The following FGF14 variants were observed in gnomAD, a reference collection of about 807,000 sequenced individuals.
The protein encoded by FGF14 is fibroblast growth factor homologous factor 4.
In FGF14, 5 loss-of-function variants were observed where a neutral mutation model predicts 25.5. That is an observed-to-expected ratio of 0.20 (90% CI 0.10 to 0.41). The LOEUF is 0.41. FGF14 is among the 10% of genes least tolerant of loss of function. FGF14 has a pLI of 1.00. For missense variants in FGF14, 222 were observed against 320.1 expected (o/e 0.69, Z 2.34); for synonymous variants, 138 against 118.3 (o/e 1.17, Z -1.08).
At chr13:102,117,576 T>G (rs954668543) in intron 1 of FGF14, among the ~76,000 whole-genome samples, 1 of 152,154 alleles carries the variant, frequency 6.6e-6, no homozygotes, top group African/African-American at 2.4e-5. Context: ...GGAGGCATTG[T>G]TTATAATAGG....
chr13:101,981,332 T>C (rs1024781409), intron 1 of FGF14, among the ~76,000 whole-genome samples: 1 of 152,084 alleles, frequency 6.6e-6, no homozygotes, highest in Non-Finnish European at 1.5e-5. Flanking sequence ...CCTTCCGCCA[T>C]GTAAGGACAC....
rs199910752 is a variant in FGF14, at chr13:102,124,869, T to TTA, written c.209-249575_209-249574dup. Among the ~76,000 whole-genome samples the TTA allele has an allele frequency of 1.5e-4, 23 of 152,296 alleles. No individual in the cohort carries two copies. The East Asian group carries it at 4.2e-3, about 28-fold the overall frequency. ...AAGCTTATGATGGTATATAAAATTC[T>TTA]TATCTTTACCTTCCTTCTCTCTATA... On this transcript the variant is annotated intron_variant, in intron 1 of 4. Transcript: ENST00000376131.
intron 1 of FGF14, among the ~76,000 whole-genome samples, chr13:101,980,684 A>G (rs992070959): frequency 7.2e-5 from 11 of 152,182 alleles, no homozygotes; most frequent in African/African-American, 2.7e-4. Flanking sequence ...TCTTTCTCTT[A>G]CCAAGTGCCA....
chr13:101,741,634 TAAAAA>T (rs11299686), intron 3 of FGF14, among the ~76,000 whole-genome samples: 1 of 143,828 alleles, frequency 7.0e-6, no homozygotes, highest in Admixed American at 6.9e-5. Flanking sequence ...TTTATTACAG[TAAAAA>T]AAAAAAAAAA....
At chr13:101,865,304 T>G (rs1258128057) in intron 3 of FGF14, among the ~76,000 whole-genome samples, 3 of 152,124 alleles carry the variant, frequency 2.0e-5, no homozygotes, top group Non-Finnish European at 4.4e-5. Context: ...CTTGACTGCT[T>G]CTCTCAGCAC....
At chr13:101,776,786 G>C (rs2039137229) in intron 3 of FGF14, among the ~76,000 whole-genome samples, 1 of 152,106 alleles carries the variant, frequency 6.6e-6, no homozygotes, top group Non-Finnish European at 1.5e-5. Flanking sequence ...CCATGAACTG[G>C]GTGGCTTCTA....
At chr13:102,116,054 G>A (rs186596617) in intron 1 of FGF14, among the ~76,000 whole-genome samples, 66 of 152,246 alleles carry the variant, frequency 4.3e-4, no homozygotes, top group African/African-American at 1.5e-3. Flanking sequence ...AAGTTGCGGT[G>A]AGCCGAGATC....
intron 1 of FGF14, among the ~76,000 whole-genome samples, chr13:102,116,635 A>C (rs1566706073): frequency 6.6e-6 from 1 of 152,144 alleles, no homozygotes; most frequent in Admixed American, 6.5e-5. Flanking sequence ...TAAAGACCTA[A>C]AGTATATCAG....
At chr13:101,782,504 C>T (rs2039560310) in intron 3 of FGF14, among the ~76,000 whole-genome samples, 2 of 152,110 alleles carry the variant, frequency 1.3e-5, no homozygotes, top group South Asian at 4.1e-4. Flanking sequence ...GCCTAGTACC[C>T]ATTAATTATT....
intron 1 of FGF14, among the ~76,000 whole-genome samples, chr13:102,275,646 T>C (rs2053500124): frequency 6.6e-6 from 1 of 151,626 alleles, no homozygotes; most frequent in Non-Finnish European, 1.5e-5. Flanking sequence ...CAGACTTTTA[T>C]GCCTAATAAA....
intron 1 of FGF14, among the ~76,000 whole-genome samples, chr13:102,084,707 G>A (rs1040533908): frequency 4.6e-5 from 7 of 152,278 alleles, no homozygotes; most frequent in Middle Eastern, 3.4e-3. Context: ...GCAACAGGAC[G>A]ACTTTAAAGA....
chr13:102,208,021 C>T (rs531454706), intron 1 of FGF14, among the ~76,000 whole-genome samples: 1 of 152,152 alleles, frequency 6.6e-6, no homozygotes, highest in Admixed American at 6.5e-5. Context: ...GGGACTCTCA[C>T]TTCATTAAAA....
chr13:102,342,285 A>C (rs1293727865), intron 1 of FGF14, among the ~76,000 whole-genome samples: 3 of 152,160 alleles, frequency 2.0e-5, no homozygotes, highest in Non-Finnish European at 4.4e-5. Flanking sequence ...TAGTCCCTAC[A>C]TTAACGTGCT....
chr13:101,928,396 G>A (rs891389491), intron 1 of FGF14, among the ~76,000 whole-genome samples: 1 of 104,060 alleles, frequency 9.6e-6, no homozygotes, highest in Non-Finnish European at 1.9e-5. Flanking sequence ...ACTTGCTGTG[G>A]TGTGTGTGTG....
intron 3 of FGF14, among the ~76,000 whole-genome samples, chr13:101,769,279 C>A (rs1243549703): frequency 6.6e-6 from 1 of 151,920 alleles, no homozygotes; most frequent in Non-Finnish European, 1.5e-5. Flanking sequence ...ATGCTCAAAT[C>A]CAGAAAACTT....
At chr13:101,923,077 T>C (rs1407882700) in intron 1 of FGF14, among the ~76,000 whole-genome samples, 5 of 152,136 alleles carry the variant, frequency 3.3e-5, no homozygotes, top group East Asian at 1.9e-4. Flanking sequence ...CATTAAGCTA[T>C]GTTATTTTAT....
intron 3 of FGF14, among the ~76,000 whole-genome samples, chr13:101,738,548 A>T (rs1386287115): frequency 1.3e-5 from 2 of 152,198 alleles, no homozygotes; most frequent in African/African-American, 4.8e-5. Flanking sequence ...AAGGACAAAC[A>T]TGAAACACTG....
At chr13:102,138,050 C>T (rs17504345) in intron 1 of FGF14, among the ~76,000 whole-genome samples, 46,764 of 150,390 alleles carry the variant, frequency 0.31, 8,219 homozygotes, top group East Asian at 0.85. Context: ...CTTTTCTCCT[C>T]CATCGCCCTG....
At chr13:102,191,925 C>A (rs1373945941) in intron 1 of FGF14, among the ~76,000 whole-genome samples, 3 of 152,208 alleles carry the variant, frequency 2.0e-5, no homozygotes, top group Non-Finnish European at 4.4e-5. Flanking sequence ...GAAGGAGAGA[C>A]AGGCCACAAG....
Sources: gnomAD v4.1 joint callset for allele counts (sites outside exome capture counted in the v4.1 genomes callset) on GRCh38, gnomAD v4.1.1 for gene constraint, MANE v1.5 for transcripts, NCBI Gene and HGNC (gene_info 2026-07-23, HGNC 2026-07-21) for gene names.